Variants in UMAD1 observed in about 807,000 individuals in gnomAD.
UMAD1 encodes the protein UBAP1-MVB12-associated (UMA)-domain containing protein 1.
In UMAD1, 8 loss-of-function variants were observed where a neutral mutation model predicts 6.1. That is an observed-to-expected ratio of 1.30 (90% CI 0.76 to 2.35). UMAD1 has a LOEUF of 2.35. Ranked by LOEUF, UMAD1 falls within the 30% of genes most tolerant of loss-of-function variation. The pLI is 0.00. For synonymous variants in UMAD1, 56 were observed against 31.4 expected (o/e 1.78, Z -2.61); for missense variants, 130 against 78.4 (o/e 1.66, Z -2.49).
At chr7:7,731,482 A>AACCCCC (rs1781252794) in intron 2 of UMAD1, among the ~76,000 whole-genome samples, 3 of 112,948 alleles carry the variant, frequency 2.7e-5, no homozygotes, top group African/African-American at 1.1e-4. Context: ...CAAACAAACA[A>AACCCCC]CCCCCCCCCA....
At chr7:7,789,526 AGTTT>A (rs1487746065) in intron 2 of UMAD1, among the ~76,000 whole-genome samples, 2 of 151,898 alleles carry the variant, frequency 1.3e-5, no homozygotes, top group African/African-American at 4.9e-5. Flanking sequence ...TTGAGTATAT[AGTTT>A]ATTTGTGGTA....
chr7:7,681,848 T>G (rs1779921177), intron 2 of UMAD1, among the ~76,000 whole-genome samples: 1 of 152,168 alleles, frequency 6.6e-6, no homozygotes. Flanking sequence ...ATAGTTATTT[T>G]AAGTTAGGAA....
chr7:7,653,082 A>G (rs570865851), intron 1 of UMAD1, among the ~76,000 whole-genome samples: 5 of 152,332 alleles, frequency 3.3e-5, no homozygotes, highest in Admixed American at 3.3e-4. Context: ...GATGTGTTTT[A>G]TGATATTTGT....
intron 2 of UMAD1, among the ~76,000 whole-genome samples, chr7:7,713,742 C>T (rs1447314567): frequency 6.6e-6 from 1 of 151,990 alleles, no homozygotes; most frequent in African/African-American, 2.4e-5. Flanking sequence ...CCTGTATTTC[C>T]CTTTAAATGC....
chr7:7,871,647 C>G (rs995068180), intron 3 of UMAD1, among the ~76,000 whole-genome samples: 1 of 152,164 alleles, frequency 6.6e-6, no homozygotes, highest in Non-Finnish European at 1.5e-5. Context: ...TCATCTTCAT[C>G]TTTTGTCCCT....
At chr7:7,736,460 T>G (rs17136971) in intron 2 of UMAD1, 13,404 of 152,624 alleles carry the variant, frequency 0.088, 715 homozygotes, top group African/African-American at 0.15. Flanking sequence ...GAGGAATTCT[T>G]CTTATTTAGA....
intron 2 of UMAD1, among the ~76,000 whole-genome samples, chr7:7,731,375 A>G (rs1439285921): frequency 6.6e-6 from 1 of 151,892 alleles, no homozygotes; most frequent in Non-Finnish European, 1.5e-5. Flanking sequence ...GTTAGAGGAC[A>G]TTTGGAAGCA....
chr7:7,643,167 C>G (rs985809584), intron 1 of UMAD1, among the ~76,000 whole-genome samples: 7 of 152,106 alleles, frequency 4.6e-5, no homozygotes, highest in African/African-American at 1.7e-4. Flanking sequence ...TCCTGATGGT[C>G]CACACCTGTT....
intron 1 of UMAD1, among the ~76,000 whole-genome samples, chr7:7,662,734 A>G (rs961799749): frequency 5.3e-5 from 8 of 151,730 alleles, no homozygotes; most frequent in Non-Finnish European, 2.9e-5. Context: ...CTCACTGGGA[A>G]CTGCAGATGG....
intron 3 of UMAD1, among the ~76,000 whole-genome samples, chr7:7,863,768 A>G (rs1379036852): frequency 6.6e-6 from 1 of 152,198 alleles, no homozygotes; most frequent in Non-Finnish European, 1.5e-5. Flanking sequence ...AATAGCTAAG[A>G]TGGACTTGTG....
chr7:7,802,257 C>A (rs1003526620), intron 3 of UMAD1, among the ~76,000 whole-genome samples: 1 of 152,098 alleles, frequency 6.6e-6, no homozygotes, highest in Non-Finnish European at 1.5e-5. Flanking sequence ...ATGTGCCTGT[C>A]ATCCCAGCTA....
At chr7:7,674,412 T>C (rs971105552) in intron 2 of UMAD1, among the ~76,000 whole-genome samples, 1 of 152,210 alleles carries the variant, frequency 6.6e-6, no homozygotes, top group African/African-American at 2.4e-5. Context: ...GAATAGAGTT[T>C]TTCTCGTGGA....
intron 3 of UMAD1, among the ~76,000 whole-genome samples, chr7:7,804,660 G>A (rs1441658046): frequency 2.6e-5 from 4 of 152,062 alleles, no homozygotes; most frequent in Middle Eastern, 3.4e-3. Flanking sequence ...GCAAGAGAGC[G>A]AGACTCCATC....
chr7:7,647,829 T>A (rs975981436), intron 1 of UMAD1, among the ~76,000 whole-genome samples: 2 of 152,222 alleles, frequency 1.3e-5, no homozygotes, highest in African/African-American at 4.8e-5. Flanking sequence ...GGTCCATAAC[T>A]GCTAGGCTCA....
At chr7:7,642,707 G>T (rs1187978527) in intron 1 of UMAD1, among the ~76,000 whole-genome samples, 1 of 152,108 alleles carries the variant, frequency 6.6e-6, no homozygotes. Flanking sequence ...GAAATGAAAT[G>T]AATCCATGGG....
chr7:7,840,120 G>A (rs999138547), intron 3 of UMAD1, among the ~76,000 whole-genome samples: 1 of 152,168 alleles, frequency 6.6e-6, no homozygotes, highest in African/African-American at 2.4e-5. Flanking sequence ...GGGCAGGGCA[G>A]GTCACAAAAT....
intron 2 of UMAD1, among the ~76,000 whole-genome samples, chr7:7,800,596 C>T (rs1782779975): frequency 6.6e-6 from 1 of 152,182 alleles, no homozygotes; most frequent in Non-Finnish European, 1.5e-5. Flanking sequence ...CCCTCTCCCA[C>T]CCTTTCCCCT....
intron 3 of UMAD1, among the ~76,000 whole-genome samples, chr7:7,828,521 C>T (rs186369302): frequency 2.8e-4 from 42 of 152,296 alleles, no homozygotes; most frequent in Admixed American, 1.1e-3. Flanking sequence ...CCCCTGGTCC[C>T]GAGCTTCTTG....
intron 2 of UMAD1, among the ~76,000 whole-genome samples, chr7:7,712,972 A>G (rs1250072572): frequency 6.6e-6 from 1 of 152,086 alleles, no homozygotes; most frequent in African/African-American, 2.4e-5. Context: ...TACCGAATGA[A>G]TTTGTTGATA....
Sources: allele counts gnomAD v4.1 joint callset (sites outside exome capture counted in the v4.1 genomes callset), GRCh38; gene constraint gnomAD v4.1.1; transcripts MANE v1.5; gene names NCBI Gene and HGNC (gene_info 2026-07-23, HGNC 2026-07-21).